NTM: variants seen among roughly 807,000 people sequenced by gnomAD.
NTM encodes the protein IgLON family member 2.
NTM carries 13 observed loss-of-function variants against 42.1 expected under a neutral mutation model. That is an observed-to-expected ratio of 0.31 (90% CI 0.20 to 0.49). The LOEUF (loss-of-function observed/expected upper bound fraction) is 0.49. NTM is among the 20% of genes least tolerant of loss of function. The pLI is 0.99. For missense variants in NTM, 373 were observed against 452.8 expected (o/e 0.82, Z 1.60); for synonymous variants, 187 against 179.2 (o/e 1.04, Z -0.35).
intron 4 of NTM, among the ~76,000 whole-genome samples, chr11:132,214,212 G>A (rs2083402620): frequency 6.6e-6 from 1 of 152,192 alleles, no homozygotes; most frequent in Non-Finnish European, 1.5e-5. Flanking sequence ...TTCTGAAGGA[G>A]GGGCCATTCA....
At chr11:131,852,925 CCCAT>C (rs1167615543) in intron 1 of NTM, among the ~76,000 whole-genome samples, 1 of 148,224 alleles carries the variant, frequency 6.7e-6, no homozygotes, top group Non-Finnish European at 1.5e-5. Context: ...CATCCACCCA[CCCAT>C]CCATCCATCC....
At chr11:131,939,924 G>C (rs2059619105) in intron 2 of NTM, among the ~76,000 whole-genome samples, 1 of 152,204 alleles carries the variant, frequency 6.6e-6, no homozygotes, top group African/African-American at 2.4e-5. Flanking sequence ...GAGGATAATA[G>C]AAAGTTTGAT....
intron 1 of NTM, among the ~76,000 whole-genome samples, chr11:131,805,363 G>A (rs1453478951): frequency 3.3e-5 from 5 of 152,046 alleles, no homozygotes; most frequent in South Asian, 2.1e-4. Context: ...AAAGCTCAGC[G>A]TACATATCTT....
At chr11:132,291,687 C>T (rs549555926) in intron 4 of NTM, among the ~76,000 whole-genome samples, 3 of 152,286 alleles carry the variant, frequency 2.0e-5, no homozygotes, top group African/African-American at 7.2e-5. Flanking sequence ...TTTTGAAGGA[C>T]TATCCAGAGA....
At chr11:132,189,785 T>C (rs2079010672) in intron 3 of NTM, among the ~76,000 whole-genome samples, 1 of 152,152 alleles carries the variant, frequency 6.6e-6, no homozygotes, top group African/African-American at 2.4e-5. Flanking sequence ...TTTAGTACTG[T>C]AGAGCCACAA....
At chr11:132,128,356 T>C (rs2066208188) in intron 2 of NTM, among the ~76,000 whole-genome samples, 1 of 152,130 alleles carries the variant, frequency 6.6e-6, no homozygotes, top group Admixed American at 6.5e-5. Flanking sequence ...GCATACACAA[T>C]GTTACATCTC....
At chr11:132,317,762 C>T (rs2095469212) in intron 7 of NTM, 3 of 893,670 alleles carry the variant, frequency 3.4e-6, no homozygotes, top group Non-Finnish European at 4.9e-6. Context: ...CCCTGCTGTG[C>T]ATTACCCGAA....
At chr11:131,865,799 C>A (rs1345433920) in intron 1 of NTM, among the ~76,000 whole-genome samples, 1 of 150,850 alleles carries the variant, frequency 6.6e-6, no homozygotes. Context: ...ACACACCTCC[C>A]ACACTCACAC....
At chr11:131,914,628 C>T (rs1444958457) in intron 2 of NTM, among the ~76,000 whole-genome samples, 3 of 152,204 alleles carry the variant, frequency 2.0e-5, no homozygotes, top group African/African-American at 4.8e-5. Flanking sequence ...ATCCAAGTAG[C>T]TCTAACAATC....
At position 131,894,882 on chromosome 11, in the gene NTM, A is replaced by G. The variant is rs1352585353; in HGVS notation, c.83-16682A>G. On this transcript the variant is annotated intron_variant, in intron 1 of 8. Coordinates refer to ENST00000683400, the MANE Select transcript of NTM (RefSeq NM_001352005.2). Reference sequence around the variant, plus strand: ...GCCTTGCTTCACACAATCCTAAGACAATGTTCTGTTGAAAGGCCACTTCCA... The same window carrying G: ...GCCTTGCTTCACACAATCCTAAGACGATGTTCTGTTGAAAGGCCACTTCCA... Among the ~76,000 whole-genome samples, 11 of 152,156 alleles carry G rather than the reference A, an allele frequency of 7.2e-5. No homozygotes were observed. The East Asian group carries it at 2.1e-3, about 29-fold the overall frequency.
At chr11:131,964,388 CT>C (rs1215160292) in intron 2 of NTM, among the ~76,000 whole-genome samples, 1 of 152,170 alleles carries the variant, frequency 6.6e-6, no homozygotes, top group Admixed American at 6.5e-5. Context: ...AACACTTCTA[CT>C]GTTGAGATAT....
chr11:131,565,465 G>A (rs1044479515), intron 1 of NTM, among the ~76,000 whole-genome samples: 4 of 152,168 alleles, frequency 2.6e-5, no homozygotes, highest in African/African-American at 9.6e-5. Context: ...CTGTTCTCAT[G>A]CCATTGCCAC....
intron 1 of NTM, among the ~76,000 whole-genome samples, chr11:131,436,939 C>A (rs1215748382): frequency 1.3e-5 from 2 of 152,218 alleles, no homozygotes; most frequent in Non-Finnish European, 2.9e-5. Flanking sequence ...AAACTTCCCT[C>A]TACACACTGC....
chr11:131,778,915 T>A (rs2087548292), intron 1 of NTM, among the ~76,000 whole-genome samples: 1 of 152,270 alleles, frequency 6.6e-6, no homozygotes, highest in Non-Finnish European at 1.5e-5. Flanking sequence ...TTATGCCACA[T>A]GGCAAATGCC....
intron 1 of NTM, among the ~76,000 whole-genome samples, chr11:131,470,765 C>T (rs1305699299): frequency 1.3e-5 from 2 of 152,152 alleles, no homozygotes; most frequent in Non-Finnish European, 2.9e-5. Flanking sequence ...GTGGGACTAT[C>T]AAAGGTCCTG....
intron 1 of NTM, among the ~76,000 whole-genome samples, chr11:131,440,407 G>T (rs1228453414): frequency 6.6e-6 from 1 of 152,122 alleles, no homozygotes; most frequent in African/African-American, 2.4e-5. Context: ...CTGTATTCTT[G>T]TGGGTGGCTT....
At chr11:131,969,449 C>T (rs968565425) in intron 2 of NTM, among the ~76,000 whole-genome samples, 1 of 152,234 alleles carries the variant, frequency 6.6e-6, no homozygotes, top group Non-Finnish European at 1.5e-5. Flanking sequence ...TTACTCAAAA[C>T]TGTGTCTTCT....
chr11:132,049,521 C>A (rs974040639), intron 2 of NTM, among the ~76,000 whole-genome samples: 3 of 152,214 alleles, frequency 2.0e-5, no homozygotes, highest in Admixed American at 2.0e-4. Context: ...TCCTCCAACA[C>A]ACACTGGCTC....
At chr11:131,695,921 C>A (rs959774103) in intron 1 of NTM, among the ~76,000 whole-genome samples, 6 of 152,240 alleles carry the variant, frequency 3.9e-5, no homozygotes, top group Middle Eastern at 3.4e-3. Context: ...CTGATCCTGT[C>A]CCAAGAGTGA....
Sources: allele counts gnomAD v4.1 joint callset (sites outside exome capture counted in the v4.1 genomes callset), GRCh38; gene constraint gnomAD v4.1.1; transcripts MANE v1.5; gene names NCBI Gene and HGNC (gene_info 2026-07-23, HGNC 2026-07-21).